The following SPATS2L variants were observed in gnomAD, a reference collection of about 807,000 sequenced individuals.
SPATS2L encodes SPATS2-like protein.
Under a neutral mutation model 59.6 loss-of-function variants are expected in SPATS2L, and 30 were observed. That is an observed-to-expected ratio of 0.50 (90% CI 0.38 to 0.68). SPATS2L has a LOEUF of 0.68. SPATS2L is among the 30% of genes least tolerant of loss of function. The probability of loss-of-function intolerance (pLI) is 0.00; values close to 1 mark genes in which losing one functional copy is unlikely to be tolerated. For missense variants in SPATS2L, 615 were observed against 700.0 expected (o/e 0.88, Z 1.37); for synonymous variants, 252 against 263.5 (o/e 0.96, Z 0.42).
intron 1 of SPATS2L, among the ~76,000 whole-genome samples, chr2:200,316,723 C>G (rs2079392211): frequency 6.6e-6 from 1 of 152,146 alleles, no homozygotes; most frequent in Non-Finnish European, 1.5e-5. Flanking sequence ...GTTAAGGATC[C>G]TGTCATGTTT....
intron 2 of SPATS2L, among the ~76,000 whole-genome samples, chr2:200,330,880 G>C (rs997759579): frequency 6.6e-6 from 1 of 152,190 alleles, no homozygotes; most frequent in South Asian, 2.1e-4. Flanking sequence ...GTGTTGGAAC[G>C]CTACTTGTAC....
chr2:200,448,537 G>A (rs1014281515), intron 8 of SPATS2L, among the ~76,000 whole-genome samples: 2 of 152,186 alleles, frequency 1.3e-5, no homozygotes, highest in African/African-American at 4.8e-5. Context: ...TTTGAATTGT[G>A]TTTTTTAATG....
rs536760069 is a variant in SPATS2L at position 200,429,031 on chromosome 2, C to T, written c.445+9535C>T. Among the ~76,000 whole-genome samples the T allele has an allele frequency of 7.9e-5, 12 of 152,276 alleles. No individual in the cohort carries two copies. The East Asian group carries it at 1.5e-3, about 20-fold the overall frequency. On this transcript the variant is annotated intron_variant, in intron 6 of 12. Coordinates refer to ENST00000409140, the MANE Select transcript of SPATS2L (RefSeq NM_001100423.2). The stretch of plus-strand genomic sequence containing the variant: ...TTCAAAACACAAATCTGACCTCTTA[C>T]GATAAAGACAAGAAGACTTACCCTG...
rs558745050 is a variant in SPATS2L, at chr2:200,340,499, T to C, written c.-23+11019T>C. ...CCACTGCCTTCTTCCCTGGATGAAA[T>C]TGCTCTTTTCCACAGCACTCTAGTG... On this transcript the variant is annotated intron_variant, in intron 2 of 12. Coordinates refer to ENST00000409140, the MANE Select transcript of SPATS2L (RefSeq NM_001100423.2). Among the ~76,000 whole-genome samples, 147 of 152,224 alleles carry C rather than the reference T, an allele frequency of 9.7e-4. 1 individual carries two copies. The highest frequency in any genetic ancestry group is 3.0e-3 in the African/African-American group (126 of 41,532).
intron 2 of SPATS2L, among the ~76,000 whole-genome samples, chr2:200,360,135 G>A (rs570147650): frequency 2.0e-4 from 31 of 152,260 alleles, no homozygotes; most frequent in African/African-American, 7.5e-4. Flanking sequence ...CAACTATGGG[G>A]TGAGTGATAA....
intron 3 of SPATS2L, among the ~76,000 whole-genome samples, chr2:200,407,098 C>T (rs949650969): frequency 6.6e-6 from 1 of 151,808 alleles, no homozygotes; most frequent in African/African-American, 2.4e-5. Context: ...AATGCAAATG[C>T]TCCCACTTTT....
intron 11 of SPATS2L, among the ~76,000 whole-genome samples, chr2:200,470,551 T>C (rs2106231780): frequency 6.6e-6 from 1 of 152,230 alleles, no homozygotes; most frequent in East Asian, 1.9e-4. Context: ...TTAGAGCAGC[T>C]AATGTGCAAC....
chr2:200,412,816 C>T (rs2082925540), intron 4 of SPATS2L, among the ~76,000 whole-genome samples: 1 of 151,890 alleles, frequency 6.6e-6, no homozygotes, highest in Non-Finnish European at 1.5e-5. Context: ...CTTCGGAAGG[C>T]GAAGGTGGGC....
intron 7 of SPATS2L, 150 bp from the exon 8 acceptor site, chr2:200,440,499 A>G (rs1350080860): frequency 2.7e-6 from 2 of 746,986 alleles, no homozygotes; most frequent in Non-Finnish European, 4.2e-6. Flanking sequence ...AGCCACCCAC[A>G]CTGGGTTACA....
chr2:200,394,347 C>T (rs982087057), intron 3 of SPATS2L, among the ~76,000 whole-genome samples: 1 of 152,204 alleles, frequency 6.6e-6, no homozygotes, highest in Non-Finnish European at 1.5e-5. Flanking sequence ...AGGGACTCAA[C>T]TCTCTTCTTT....
Position 200,480,701 on chromosome 2 carries a change from T to A in SPATS2L, c.*2670T>A, listed in dbSNP as rs2087756179. 3 of 152,206 alleles carry A rather than the reference T, an allele frequency of 2.0e-5. No individual in the cohort carries two copies. The allele number at this position is 152,206 out of a possible 1,614,324, so 9.4% of individuals were successfully genotyped here. On this transcript the variant is annotated 3_prime_UTR_variant, in exon 13 of 13. Transcript: ENST00000409140. The stretch of plus-strand genomic sequence containing the variant: ...TTGCCTTTCTTATAGACCCTGGGCA[T>A]GTAAGCATTTATTAGTTTGCATTTT...
chr2:200,431,505 T>C (rs2083930273), intron 6 of SPATS2L, among the ~76,000 whole-genome samples: 1 of 152,206 alleles, frequency 6.6e-6, no homozygotes, highest in Non-Finnish European at 1.5e-5. Flanking sequence ...CAATACTTAC[T>C]CAAGATCAGA....
At chr2:200,332,772 C>CTGTGTG (rs144988506) in intron 2 of SPATS2L, among the ~76,000 whole-genome samples, 11,951 of 143,124 alleles carry the variant, frequency 0.084, 595 homozygotes, top group East Asian at 0.2. Flanking sequence ...AGTTAGCTGC[C>CTGTGTG]TGTGTGTGTG....
At chr2:200,336,433 G>A (rs2080145521) in intron 2 of SPATS2L, among the ~76,000 whole-genome samples, 1 of 152,082 alleles carries the variant, frequency 6.6e-6, no homozygotes. Flanking sequence ...TACAAAATGT[G>A]AGTAGAAAAT....
intron 6 of SPATS2L, among the ~76,000 whole-genome samples, chr2:200,429,057 T>C (rs1284340123): frequency 6.6e-6 from 1 of 152,156 alleles, no homozygotes; most frequent in Non-Finnish European, 1.5e-5. Flanking sequence ...ACTTACCCTG[T>C]CCTGCAAGCC....
At chr2:200,310,615 C>A (rs1158590710) in intron 1 of SPATS2L, among the ~76,000 whole-genome samples, 1 of 152,164 alleles carries the variant, frequency 6.6e-6, no homozygotes, top group Non-Finnish European at 1.5e-5. Context: ...AGTATTGCAC[C>A]AGAGTGCAAA....
intron 2 of SPATS2L, among the ~76,000 whole-genome samples, chr2:200,362,664 G>A (rs922760111): frequency 6.6e-6 from 1 of 152,206 alleles, no homozygotes; most frequent in Non-Finnish European, 1.5e-5. Context: ...GTGCACCCAG[G>A]TAGAAGGAAG....
chr2:200,394,858 A>G (rs1413359521), intron 3 of SPATS2L, among the ~76,000 whole-genome samples: 1 of 152,190 alleles, frequency 6.6e-6, no homozygotes, highest in African/African-American at 2.4e-5. Context: ...AGGTGGTCTC[A>G]GGTAGGCTTC....
At chr2:200,425,973 C>G (rs1210930969) in intron 6 of SPATS2L, among the ~76,000 whole-genome samples, 1 of 151,822 alleles carries the variant, frequency 6.6e-6, no homozygotes, top group Non-Finnish European at 1.5e-5. Context: ...TGCTTCAATT[C>G]AGGCTCTCTC....
Sources: gnomAD v4.1 joint callset for allele counts (sites outside exome capture counted in the v4.1 genomes callset) on GRCh38, gnomAD v4.1.1 for gene constraint, MANE v1.5 for transcripts, NCBI Gene and HGNC (gene_info 2026-07-23, HGNC 2026-07-21) for gene names.